Variants in CDK2AP1 observed in about 807,000 individuals in gnomAD.
CDK2AP1 encodes cyclin-dependent kinase 2-associated protein 1.
A neutral mutation model predicts 14.1 loss-of-function variants in CDK2AP1; 10 were observed. The ratio of observed to expected loss-of-function variants is 0.71; its 90% confidence interval spans 0.44 to 1.20. The LOEUF (loss-of-function observed/expected upper bound fraction) is 1.20, where lower values mean the gene tolerates loss of function less well. CDK2AP1 is among the 50% of genes most tolerant of loss of function. The pLI is 0.00. For missense variants in CDK2AP1, 102 were observed against 149.9 expected (o/e 0.68, Z 1.67); for synonymous variants, 59 against 59.8 (o/e 0.99, Z 0.06).
At chr12:123,269,691 G>C in intron 1 of CDK2AP1, among the ~76,000 whole-genome samples, 1 of 152,226 alleles carries the variant, frequency 6.6e-6, no homozygotes, top group Middle Eastern at 3.2e-3. Flanking sequence ...TCTGGGGCGG[G>C]GGAGGCGGGG....
At chr12:123,268,630 G>C (rs2048322511) in intron 1 of CDK2AP1, among the ~76,000 whole-genome samples, 1 of 152,238 alleles carries the variant, frequency 6.6e-6, no homozygotes, top group African/African-American at 2.4e-5. Context: ...CCTGAACTGG[G>C]CAGAGCACCG....
In CDK2AP1 at chr12:123,265,104, C is replaced by G. The variant is rs1282423599; in HGVS notation, c.280+92G>C. 1.9e-6 allele frequency: 3 copies of G among 1,547,368 alleles called. No individual in the cohort carries two copies. The East Asian group carries it at 6.8e-5, about 35-fold the overall frequency. On this transcript the variant is annotated intron_variant, in intron 3 of 3. Transcript: ENST00000261692. This position sits in a 1 kb window ranked among gnomAD's most constrained non-coding sequence, Gnocchi z 5.3. ...GAGCTCCCATGAGTGAGCCTCATCCCTAGCCCACCTTCCCACATTTTCCCC... is the reference window on the plus strand; with the variant it reads ...GAGCTCCCATGAGTGAGCCTCATCCGTAGCCCACCTTCCCACATTTTCCCC...
At chr12:123,263,585 C>T (rs2048256454) in intron 3 of CDK2AP1, among the ~76,000 whole-genome samples, 1 of 152,212 alleles carries the variant, frequency 6.6e-6, no homozygotes, top group African/African-American at 2.4e-5. Context: ...CAGGCGAGAC[C>T]AGGGTTGGGC....
At chr12:123,263,060 A>G (rs1054406464) in intron 3 of CDK2AP1, among the ~76,000 whole-genome samples, 27 of 151,898 alleles carry the variant, frequency 1.8e-4, no homozygotes, top group African/African-American at 5.8e-4. Flanking sequence ...CTAAAAATAC[A>G]AAAATTAGAT....
rs375172183 is a variant in CDK2AP1, at chr12:123,267,328, T to C, written c.56-46A>G. 9.7e-6 allele frequency: 12 copies of C among 1,240,186 alleles called. No individual in the cohort carries two copies. In the East Asian group the frequency reaches 1.9e-4, roughly 19 times the overall value. 76.8% of individuals were successfully genotyped at this position (1,240,186 alleles called of 1,614,324 possible). On this transcript the variant is annotated intron_variant, in intron 1 of 3. Transcript: ENST00000261692. ...GGCCAGGAGTCAGCTCAGCCAGTTG[T>C]ACCAAGGCAAGGACTCCGGGTCCTG...
At chr12:123,269,018 G>C (rs1358458500) in intron 1 of CDK2AP1, 2 of 152,330 alleles carry the variant, frequency 1.3e-5, no homozygotes, top group African/African-American at 4.8e-5. Flanking sequence ...CCTGGCAGGA[G>C]GGGTGCTGGC....
intron 3 of CDK2AP1, among the ~76,000 whole-genome samples, chr12:123,263,217 A>G (rs554299093): frequency 4.0e-4 from 60 of 151,456 alleles, no homozygotes; most frequent in African/African-American, 1.4e-3. Flanking sequence ...TCTCAAAAAA[A>G]AAAAAAAAAC....
At chr12:123,269,510 G>A (rs1345833287) in intron 1 of CDK2AP1, among the ~76,000 whole-genome samples, 2 of 152,260 alleles carry the variant, frequency 1.3e-5, no homozygotes, top group Non-Finnish European at 2.9e-5. Context: ...CCACGTCAGC[G>A]AAGGCCGTCT....
chr12:123,268,489 A>ACCTGCC (rs1243480067), intron 1 of CDK2AP1, among the ~76,000 whole-genome samples: 1 of 152,246 alleles, frequency 6.6e-6, no homozygotes, highest in Non-Finnish European at 1.5e-5. Context: ...CTACCCCGGC[A>ACCTGCC]CCTGCCCCTC....
At chr12:123,268,582 C>G (rs2048322104) in intron 1 of CDK2AP1, among the ~76,000 whole-genome samples, 2 of 152,228 alleles carry the variant, frequency 1.3e-5, no homozygotes, top group African/African-American at 4.8e-5. Flanking sequence ...CAGGGTTATG[C>G]TCCAGCTTGG....
chr12:123,261,324 T>C lies in CDK2AP1; in HGVS notation c.*412A>G, dbSNP rs2048230638. ...TGGGAACCGGCTACTAAGTAAAGCG[T>C]GCTGTCAATATGCGTTCAAAACAAA... On this transcript the variant is annotated 3_prime_UTR_variant, in exon 4 of 4. Transcript: ENST00000261692. The C allele has an allele frequency of 6.3e-6, 1 of 159,670 alleles. No homozygotes were observed. The highest frequency in any genetic ancestry group is 2.4e-5 in the African/African-American group (1 of 41,528). The allele number at this position is 159,670 out of a possible 1,614,324, so 9.9% of individuals were successfully genotyped here.
chr12:123,267,641 G>C (rs1229468796), intron 1 of CDK2AP1: 2 of 271,222 alleles, frequency 7.4e-6, no homozygotes, highest in Non-Finnish European at 1.5e-5. Flanking sequence ...TGAGAACCTA[G>C]AGGCCACATC....
At chr12:123,270,454 G>A (rs1157296217) in intron 1 of CDK2AP1, among the ~76,000 whole-genome samples, 1 of 152,106 alleles carries the variant, frequency 6.6e-6, no homozygotes, top group Non-Finnish European at 1.5e-5. Flanking sequence ...GAGAGCCAGC[G>A]TGGCACCGGT....
chr12:123,268,316 G>T (rs2048318524), intron 1 of CDK2AP1: 3 of 798,968 alleles, frequency 3.8e-6, no homozygotes, highest in African/African-American at 1.9e-5. Context: ...CTTGGTGTGG[G>T]TGAGGGGAGG....
chr12:123,270,616 G>A (rs2048345265), intron 1 of CDK2AP1, among the ~76,000 whole-genome samples: 1 of 152,104 alleles, frequency 6.6e-6, no homozygotes, highest in South Asian at 2.1e-4. Flanking sequence ...ATCCCTCAAT[G>A]TTGTGCCCAC....
rs907965687 is a variant in CDK2AP1, at chr12:123,265,769, G to A, written c.154-447C>T. On this transcript the variant is annotated intron_variant, in intron 2 of 3. Transcript: ENST00000261692. This position sits in a 1 kb window ranked among gnomAD's most constrained non-coding sequence, Gnocchi z 5.3. ...TTTATTATCTCCAATGAACAAAACA[G>A]GGGAAACAGCTCATTTTGGCACAAA... 6.6e-6 allele frequency among the ~76,000 whole-genome samples: 1 copy of A among 152,160 alleles called. No homozygotes were observed. The highest frequency in any genetic ancestry group is 2.4e-5 in the African/African-American group (1 of 41,438).
chr12:123,267,520 C>A, intron 1 of CDK2AP1: 1 of 471,072 alleles, frequency 2.1e-6, no homozygotes, highest in Non-Finnish European at 3.9e-6. Context: ...AGCTCCATCC[C>A]ATCCAACCAG....
intron 2 of CDK2AP1, among the ~76,000 whole-genome samples, chr12:123,266,029 C>A (rs1346602727): frequency 6.6e-6 from 1 of 152,210 alleles, no homozygotes; most frequent in Non-Finnish European, 1.5e-5. Context: ...ACAGCAAGCA[C>A]CCGGATCAGC....
At position 123,261,793 on chromosome 12, in the gene CDK2AP1, G is replaced by A. The variant is rs369417441; in HGVS notation, c.291C>T (p.His97=). 7.4e-6 allele frequency: 12 copies of A among 1,612,836 alleles called. No homozygotes were observed. The highest frequency in any genetic ancestry group is 6.6e-5 in the South Asian group (6 of 91,068). The part of the protein sequence containing the change: ...AMERLKRGII[H]ARGLVRECLA... Reference sequence around the variant, plus strand: ...AGCACTCCCGAACCAGTCCTCTAGCGTGAATGATGCCTGAAACAGAGGCAG... The same window carrying A: ...AGCACTCCCGAACCAGTCCTCTAGCATGAATGATGCCTGAAACAGAGGCAG... The change falls in exon 4 of 4, where the codon CAC becomes CAT. Residue 97 remains histidine (H), a synonymous_variant. Transcript: ENST00000261692.
Sources: gnomAD v4.1 joint callset for allele counts (sites outside exome capture counted in the v4.1 genomes callset) on GRCh38, gnomAD v4.1.1 for gene constraint, Gnocchi (gnomAD v3.1) non-coding constraint, MANE v1.5 for transcripts, NCBI Gene and HGNC (gene_info 2026-07-23, HGNC 2026-07-21) for gene names.